Variants in PTPRD observed in about 807,000 individuals in gnomAD.
PTPRD encodes receptor-type tyrosine-protein phosphatase delta.
Under a neutral mutation model 214.5 loss-of-function variants are expected in PTPRD, and 34 were observed. That is an observed-to-expected ratio of 0.16 (90% CI 0.12 to 0.21). The LOEUF (loss-of-function observed/expected upper bound fraction) is 0.21, where lower values mean the gene tolerates loss of function less well. PTPRD is among the 10% of genes least tolerant of loss of function. PTPRD has a pLI of 1.00. For synonymous variants in PTPRD, 1,128 were observed against 845.7 expected (o/e 1.33, Z -5.79); for missense variants, 2,545 against 2,398.7 (o/e 1.06, Z -1.27).
intron 11 of PTPRD, among the ~76,000 whole-genome samples, chr9:8,897,104 C>G (rs951627036): frequency 6.6e-6 from 1 of 152,138 alleles, no homozygotes; most frequent in South Asian, 2.1e-4. Context: ...TTATGAAACT[C>G]TTACAATATA....
chr9:10,491,067 T>G (rs1296586840), intron 2 of PTPRD, among the ~76,000 whole-genome samples: 1 of 152,188 alleles, frequency 6.6e-6, no homozygotes, highest in Non-Finnish European at 1.5e-5. Flanking sequence ...GCTTCCTGAA[T>G]GCAAAGAGTT....
intron 12 of PTPRD, chr9:8,701,294 A>G (rs2098077953): frequency 6.6e-6 from 1 of 152,214 alleles, no homozygotes; most frequent in African/African-American, 2.4e-5. Context: ...TAATATTTCA[A>G]CTCAAGTATT....
At chr9:10,487,540 C>G (rs976901754) in intron 2 of PTPRD, among the ~76,000 whole-genome samples, 1 of 152,066 alleles carries the variant, frequency 6.6e-6, no homozygotes, top group African/African-American at 2.4e-5. Context: ...TTATTTTAAG[C>G]TGATAACAAC....
chr9:9,777,293 T>C (rs1373598384), intron 5 of PTPRD, among the ~76,000 whole-genome samples: 2 of 150,886 alleles, frequency 1.3e-5, no homozygotes, highest in Non-Finnish European at 2.9e-5. Flanking sequence ...CTCTGAAGCA[T>C]CCCCAACACA....
At chr9:10,146,640 A>G (rs1005622484) in intron 3 of PTPRD, among the ~76,000 whole-genome samples, 67 of 152,162 alleles carry the variant, frequency 4.4e-4, no homozygotes, top group African/African-American at 1.6e-3. Flanking sequence ...AGCTTGGGCT[A>G]TTTAGAGTTA....
intron 11 of PTPRD, among the ~76,000 whole-genome samples, chr9:8,830,780 T>G (rs559383470): frequency 6.6e-6 from 1 of 152,080 alleles, no homozygotes; most frequent in East Asian, 1.9e-4. Context: ...AATCCGTAAT[T>G]TGGGGAAAGG....
At chr9:8,953,428 A>G (rs1416687575) in intron 11 of PTPRD, among the ~76,000 whole-genome samples, 1 of 151,988 alleles carries the variant, frequency 6.6e-6, no homozygotes, top group East Asian at 1.9e-4. Flanking sequence ...ACCCTTCTTG[A>G]TATCAGCCTT....
intron 7 of PTPRD, among the ~76,000 whole-genome samples, chr9:9,727,182 G>A (rs888162463): frequency 3.9e-5 from 6 of 152,112 alleles, no homozygotes; most frequent in African/African-American, 1.2e-4. Flanking sequence ...TTGGCCGGGC[G>A]TGGTGGCTCA....
chr9:8,337,766 T>G (rs1172976265), intron 43 of PTPRD, among the ~76,000 whole-genome samples: 1 of 152,058 alleles, frequency 6.6e-6, no homozygotes, highest in African/African-American at 2.4e-5. Context: ...CTGCCATTGG[T>G]GGGGCCTGGT....
intron 9 of PTPRD, among the ~76,000 whole-genome samples, chr9:9,266,923 TAGAA>T (rs1178834196): frequency 1.3e-5 from 2 of 151,052 alleles, no homozygotes; most frequent in Admixed American, 6.6e-5. Flanking sequence ...ATGCCAAAGT[TAGAA>T]GGAAGGAAAT....
intron 11 of PTPRD, among the ~76,000 whole-genome samples, chr9:8,948,593 T>G (rs35398395): frequency 0.038 from 4,338 of 114,764 alleles, 145 homozygotes; most frequent in African/African-American, 0.05. Flanking sequence ...ACACACACAA[T>G]GAAACGACAT....
chr9:9,966,806 T>C (rs1273243203), intron 4 of PTPRD, among the ~76,000 whole-genome samples: 2 of 152,126 alleles, frequency 1.3e-5, no homozygotes, highest in South Asian at 2.1e-4. Flanking sequence ...ACAGATGCTT[T>C]AGACAGAGCA....
chr9:10,382,643 A>G (rs1032605724), intron 2 of PTPRD, among the ~76,000 whole-genome samples: 3 of 151,928 alleles, frequency 2.0e-5, no homozygotes, highest in Non-Finnish European at 4.4e-5. Flanking sequence ...CTTAATCAGC[A>G]TACCAGTATA....
At chr9:9,593,218 TC>T (rs1002392084) in intron 7 of PTPRD, among the ~76,000 whole-genome samples, 2 of 148,830 alleles carry the variant, frequency 1.3e-5, no homozygotes, top group Admixed American at 6.7e-5. Context: ...TTTTTGTTTT[TC>T]CCCCCCCTCA....
At chr9:8,664,127 CT>C (rs1173894708) in intron 12 of PTPRD, among the ~76,000 whole-genome samples, 2 of 152,150 alleles carry the variant, frequency 1.3e-5, no homozygotes, top group Non-Finnish European at 2.9e-5. Context: ...AACCAATTGG[CT>C]CTTCATCCTC....
At chr9:9,668,848 T>C (rs1295293501) in intron 7 of PTPRD, among the ~76,000 whole-genome samples, 1 of 152,154 alleles carries the variant, frequency 6.6e-6, no homozygotes, top group East Asian at 1.9e-4. Flanking sequence ...CACCACAGTA[T>C]TTTGGGAAAA....
chr9:9,913,755 A>C (rs539114171), intron 5 of PTPRD, among the ~76,000 whole-genome samples: 1 of 152,148 alleles, frequency 6.6e-6, no homozygotes, highest in African/African-American at 2.4e-5. Context: ...CAAACCCTGA[A>C]ACCAGTTTAG....
intron 3 of PTPRD, among the ~76,000 whole-genome samples, chr9:10,121,338 A>G (rs553652763): frequency 1.3e-5 from 2 of 152,160 alleles, no homozygotes; most frequent in Non-Finnish European, 2.9e-5. Context: ...ATACATTTCA[A>G]TTTGGAAGCA....
chr9:9,043,183 C>A (rs1235463790), intron 10 of PTPRD, among the ~76,000 whole-genome samples: 1 of 152,088 alleles, frequency 6.6e-6, no homozygotes, highest in African/African-American at 2.4e-5. Flanking sequence ...ACTTCTGTAT[C>A]CTAGCAGAGG....
Sources: allele counts gnomAD v4.1 joint callset (sites outside exome capture counted in the v4.1 genomes callset), GRCh38; gene constraint gnomAD v4.1.1; transcripts MANE v1.5; gene names NCBI Gene and HGNC (gene_info 2026-07-23, HGNC 2026-07-21).